Variants in NSMAF observed in about 807,000 individuals in gnomAD.
The protein encoded by NSMAF is protein FAN.
A neutral mutation model predicts 134.9 loss-of-function variants in NSMAF; 90 were observed. The observed-to-expected ratio is 0.67, with a 90% confidence interval of 0.56 to 0.79. NSMAF has a LOEUF of 0.79. NSMAF is among the 30% of genes least tolerant of loss of function. NSMAF has a pLI of 0.00. For synonymous variants in NSMAF, 358 were observed against 389.6 expected (o/e 0.92, Z 0.96); for missense variants, 1,010 against 1,119.0 (o/e 0.90, Z 1.39).
At chr8:58,650,749 T>C (rs1807565125) in intron 1 of NSMAF, among the ~76,000 whole-genome samples, 1 of 152,262 alleles carries the variant, frequency 6.6e-6, no homozygotes, top group African/African-American at 2.4e-5. Flanking sequence ...ATTTCATTGC[T>C]ACTTGGTTAA....
chr8:58,586,344 G>A (rs1307759845), intron 28 of NSMAF, 114 bp downstream of exon 28: 1 of 1,082,392 alleles, frequency 9.2e-7, no homozygotes. Flanking sequence ...TCTTTTATCA[G>A]CAAATAGTGT....
At chr8:58,640,186 T>C in intron 2 of NSMAF, 1 of 398,502 alleles carries the variant, frequency 2.5e-6, no homozygotes, top group South Asian at 1.8e-5. Context: ...ATCTTATATG[T>C]TCTTATTCCC....
At chr8:58,592,587 T>C (rs1178825518) in intron 23 of NSMAF, among the ~76,000 whole-genome samples, 2 of 152,222 alleles carry the variant, frequency 1.3e-5, no homozygotes, top group South Asian at 2.1e-4. Flanking sequence ...AGCTTTTGAC[T>C]TTATTTTTAA....
intron 12 of NSMAF, among the ~76,000 whole-genome samples, chr8:58,604,758 T>G (rs113098396): frequency 2.8e-3 from 422 of 152,280 alleles, no homozygotes; most frequent in African/African-American, 8.5e-3. Context: ...TTGTTTGTTT[T>G]TTTGAGACAG....
chr8:58,594,173 T>C, intron 23 of NSMAF, 59 bp downstream of exon 23: 1 of 1,471,584 alleles, frequency 6.8e-7, no homozygotes, highest in Non-Finnish European at 9.5e-7. Flanking sequence ...AGCTAAATAA[T>C]AAAGAACTCA....
intron 1 of NSMAF, among the ~76,000 whole-genome samples, chr8:58,658,938 G>C (rs1370239945): frequency 1.3e-5 from 2 of 152,226 alleles, no homozygotes; most frequent in Non-Finnish European, 2.9e-5. Flanking sequence ...TGCGCGGGGA[G>C]CAAGTGTTTG....
chr8:58,657,888 T>C (rs141973474), intron 1 of NSMAF, among the ~76,000 whole-genome samples: 57 of 152,356 alleles, frequency 3.7e-4, no homozygotes, highest in African/African-American at 8.2e-4. Flanking sequence ...ATCACGTTGT[T>C]GTCTAATCAA....
intron 1 of NSMAF, among the ~76,000 whole-genome samples, chr8:58,652,191 A>C (rs1478359010): frequency 2.6e-5 from 4 of 152,146 alleles, no homozygotes; most frequent in South Asian, 4.1e-4. Flanking sequence ...ACAGCAAAAA[A>C]CTACAGAGAG....
intron 30 of NSMAF, 91 bp downstream of exon 30, chr8:58,585,561 G>T (rs1223909127): frequency 2.2e-6 from 2 of 907,694 alleles, no homozygotes; most frequent in African/African-American, 3.4e-5. Flanking sequence ...GGTGTTTTTT[G>T]CCCAAAAAGA....
At chr8:58,642,871 T>C in intron 2 of NSMAF, 113 bp downstream of exon 2, 1 of 758,820 alleles carries the variant, frequency 1.3e-6, no homozygotes, top group Non-Finnish European at 2.2e-6. Context: ...CTTTAATTTT[T>C]TTTAAAGCCT....
At chr8:58,631,406 A>G (rs371954376) in intron 6 of NSMAF, 90 bp downstream of exon 6, 11 of 683,796 alleles carry the variant, frequency 1.6e-5, no homozygotes, top group East Asian at 1.3e-4. Flanking sequence ...TTATTATTAT[A>G]TTTGATTAAA....
chr8:58,608,261 CTG>C (rs1806452468), intron 10 of NSMAF, among the ~76,000 whole-genome samples: 1 of 152,202 alleles, frequency 6.6e-6, no homozygotes, highest in South Asian at 2.1e-4. Flanking sequence ...TTAAAGAATC[CTG>C]TCTTTTATCT....
At chr8:58,644,453 G>C (rs563172316) in intron 1 of NSMAF, among the ~76,000 whole-genome samples, 1 of 152,272 alleles carries the variant, frequency 6.6e-6, no homozygotes, top group South Asian at 2.1e-4. Flanking sequence ...AAAAAGTTCA[G>C]AAATTGCAGG....
In NSMAF at chr8:58,589,304, G is replaced by A. The variant is rs11782455; in HGVS notation, c.2211+148C>T. Reference sequence around the variant, plus strand: ...ACATTCAATATCCTTACACTCACACGCTTTGTGAAAAAGAGTGGAGTGACT... The same window carrying A: ...ACATTCAATATCCTTACACTCACACACTTTGTGAAAAAGAGTGGAGTGACT... On this transcript the variant is annotated intron_variant, in intron 26 of 30. Coordinates refer to ENST00000038176, the MANE Select transcript of NSMAF (RefSeq NM_003580.4). 116,367 of 405,200 alleles carry A rather than the reference G, an allele frequency of 0.29. 18,049 individuals carry two copies. The highest frequency in any genetic ancestry group is 0.34 in the South Asian group (2,964 of 8,592). The allele number at this position is 405,200 out of a possible 1,614,324, so 25.1% of individuals were successfully genotyped here.
intron 1 of NSMAF, among the ~76,000 whole-genome samples, chr8:58,657,625 A>G (rs1807748518): frequency 6.6e-6 from 1 of 152,274 alleles, no homozygotes; most frequent in Admixed American, 6.5e-5. Flanking sequence ...ACCTGATGTG[A>G]GACAGATTCC....
At chr8:58,627,889 A>G (rs1407750677) in intron 6 of NSMAF, among the ~76,000 whole-genome samples, 2 of 152,176 alleles carry the variant, frequency 1.3e-5, no homozygotes, top group Non-Finnish European at 2.9e-5. Context: ...AAACAATCCT[A>G]AAATCCATAT....
chr8:58,603,385 C>G lies in NSMAF; in HGVS notation c.870G>C (p.Glu290Asp), dbSNP rs1478775738. ...DLYFYIATYL[E>D]HHVAEHTAES... ...CAGCAGTGTGCTCCGCCACATGGTG[C>G]TCTGGGGGAAGAGGACCCACGAGGT... The change falls in exon 13 of 31, where the codon GAG (glutamate) becomes GAC (aspartate). Residue 290 changes from glutamate (E) to aspartate (D), a missense_variant and splice_region_variant. Coordinates refer to ENST00000038176, the MANE Select transcript of NSMAF (RefSeq NM_003580.4). 6.2e-7 allele frequency: 1 copy of G among 1,613,436 alleles called. No individual in the cohort carries two copies. Among genetic ancestry groups the G allele is most frequent in the Non-Finnish European group, 8.5e-7 (1 of 1,179,910 alleles).
chr8:58,640,555 GA>G (rs67832316), intron 2 of NSMAF, among the ~76,000 whole-genome samples: 50,447 of 151,824 alleles, frequency 0.33, 8,600 homozygotes, highest in Non-Finnish European at 0.35. Flanking sequence ...ATTGCAACTG[GA>G]AAAGTTTACA....
intron 23 of NSMAF, among the ~76,000 whole-genome samples, chr8:58,592,786 C>T (rs1806046373): frequency 6.6e-6 from 1 of 152,060 alleles, no homozygotes; most frequent in Non-Finnish European, 1.5e-5. Context: ...ACTCAGGAGG[C>T]TGAGGCGGGA....
Sources: gnomAD v4.1 joint callset for allele counts (sites outside exome capture counted in the v4.1 genomes callset) on GRCh38, gnomAD v4.1.1 for gene constraint, MANE v1.5 for transcripts, NCBI Gene and HGNC (gene_info 2026-07-23, HGNC 2026-07-21) for gene names.